Variants in ADAMTSL1 observed in about 807,000 individuals in gnomAD.
The protein encoded by ADAMTSL1 is ADAMTS-like protein 1.
A neutral mutation model predicts 201.8 loss-of-function variants in ADAMTSL1; 126 were observed. The observed-to-expected ratio is 0.62, with a 90% CI of 0.54 to 0.72. The LOEUF (loss-of-function observed/expected upper bound fraction) is 0.72. Among genes scored for constraint, ADAMTSL1 ranks in the 30% least tolerant of loss-of-function variants. The pLI is 0.00. For synonymous variants in ADAMTSL1, 1,121 were observed against 903.4 expected, an observed-to-expected ratio of 1.24 and a Z score of -4.32; for missense variants, 2,679 against 2,277.8, an observed-to-expected ratio of 1.18 and a Z score of -3.59.
chr9:18,374,104 G>T (rs550543951), intron 2 of ADAMTSL1, among the ~76,000 whole-genome samples: 5 of 152,230 alleles, frequency 3.3e-5, no homozygotes, highest in African/African-American at 1.2e-4. Flanking sequence ...CTTGTGTATG[G>T]CCTGGGCATC....
intron 1 of ADAMTSL1, among the ~76,000 whole-genome samples, chr9:18,022,253 A>G (rs1820508069): frequency 1.3e-5 from 2 of 152,210 alleles, no homozygotes; most frequent in South Asian, 2.1e-4. Flanking sequence ...CCAGTACCTC[A>G]TGTTGACCTT....
chr9:18,206,783 C>T (rs10810925), intron 2 of ADAMTSL1, among the ~76,000 whole-genome samples: 50,633 of 151,946 alleles, frequency 0.33, 8,587 homozygotes, highest in Admixed American at 0.42. Flanking sequence ...AGTACTTGGC[C>T]GTGGAGTTGA....
chr9:18,340,603 A>G (rs1257300554), intron 2 of ADAMTSL1, among the ~76,000 whole-genome samples: 4 of 152,032 alleles, frequency 2.6e-5, no homozygotes. Context: ...AGTAATCTCC[A>G]TGTGTTGTGG....
At chr9:18,133,859 A>G (rs1826049839) in intron 1 of ADAMTSL1, among the ~76,000 whole-genome samples, 1 of 152,218 alleles carries the variant, frequency 6.6e-6, no homozygotes, top group African/African-American at 2.4e-5. Context: ...ATGGGCAACT[A>G]GAATTGAAAA....
intron 2 of ADAMTSL1, among the ~76,000 whole-genome samples, chr9:18,327,877 A>G (rs947878153): frequency 3.3e-5 from 5 of 152,184 alleles, no homozygotes; most frequent in African/African-American, 1.2e-4. Flanking sequence ...TATTCATTCA[A>G]CCATGATATT....
chr9:18,614,634 C>A (rs114864576), intron 4 of ADAMTSL1, among the ~76,000 whole-genome samples: 2,322 of 152,204 alleles, frequency 0.015, 60 homozygotes, highest in African/African-American at 0.053. Flanking sequence ...ACTGATCTTA[C>A]TCCCTTTCTA....
intron 23 of ADAMTSL1, among the ~76,000 whole-genome samples, chr9:18,861,873 A>G (rs1375046420): frequency 3.9e-5 from 6 of 151,962 alleles, no homozygotes; most frequent in Non-Finnish European, 8.8e-5. Flanking sequence ...TCCCTACTTC[A>G]GCTCACCACT....
At chr9:18,725,646 A>G (rs1243237965) in intron 15 of ADAMTSL1, among the ~76,000 whole-genome samples, 1 of 152,218 alleles carries the variant, frequency 6.6e-6, no homozygotes, top group Non-Finnish European at 1.5e-5. Context: ...CAAGGAATAC[A>G]TGAATATTCT....
upstream of ADAMTSL1, chr9:18,474,035 C>G (rs530798439): frequency 2.8e-4 from 145 of 525,532 alleles, no homozygotes; most frequent in Non-Finnish European, 4.3e-4. Flanking sequence ...GGCTGGCTGC[C>G]TGCTCCGAGA....
intron 1 of ADAMTSL1, among the ~76,000 whole-genome samples, chr9:18,057,893 A>C (rs1822271323): frequency 6.6e-6 from 1 of 152,198 alleles, no homozygotes; most frequent in African/African-American, 2.4e-5. Context: ...AGGTCTCCCT[A>C]TTATCCATCT....
At chr9:18,242,870 C>T (rs11795109) in intron 2 of ADAMTSL1, among the ~76,000 whole-genome samples, 5,070 of 152,124 alleles carry the variant, frequency 0.033, 129 homozygotes, top group Non-Finnish European at 0.054. Flanking sequence ...GGATTGATAT[C>T]TCATGTTCAT....
At chr9:18,335,354 G>A (rs1323617067) in intron 2 of ADAMTSL1, among the ~76,000 whole-genome samples, 1 of 151,960 alleles carries the variant, frequency 6.6e-6, no homozygotes, top group African/African-American at 2.4e-5. Flanking sequence ...TAGAGATGGG[G>A]TCTTCCTGTG....
chr9:18,784,906 C>T (rs1348509989), intron 19 of ADAMTSL1, among the ~76,000 whole-genome samples: 1 of 152,186 alleles, frequency 6.6e-6, no homozygotes, highest in African/African-American at 2.4e-5. Context: ...TGGCTCACGC[C>T]TGTAATCCCA....
intron 2 of ADAMTSL1, among the ~76,000 whole-genome samples, chr9:18,396,838 C>G (rs918899866): frequency 3.9e-5 from 6 of 152,130 alleles, no homozygotes; most frequent in Non-Finnish European, 5.9e-5. Flanking sequence ...TGCACTTCAG[C>G]CTGGGCAACA....
chr9:18,377,610 C>A (rs923904228), intron 2 of ADAMTSL1, among the ~76,000 whole-genome samples: 1 of 152,138 alleles, frequency 6.6e-6, no homozygotes, highest in African/African-American at 2.4e-5. Context: ...CACTCTGTCA[C>A]CCAGGCTAGA....
chr9:18,322,647 C>A (rs1363962587), intron 2 of ADAMTSL1, among the ~76,000 whole-genome samples: 3 of 151,782 alleles, frequency 2.0e-5, no homozygotes, highest in African/African-American at 7.3e-5. Context: ...ACAACAACAA[C>A]AACAAAATAA....
rs1315914020 is a variant in ADAMTSL1, at chr9:18,811,028, AAAAAAAAC to A, written c.3806-6077_3806-6070del. 2.1e-3 allele frequency among the ~76,000 whole-genome samples: 309 copies of A among 149,748 alleles called. 3 individuals carry two copies. Among genetic ancestry groups the A allele is most frequent in the African/African-American group, 7.1e-3 (288 of 40,768 alleles). ...AATGAGTACCAAAAAAAAAAAAAAA[AAAAAAAAC>A]AAACACCAGCTAGAAACCTTCTCTC... is the stretch of plus-strand genomic sequence containing the variant. On this transcript the variant is annotated intron_variant, in intron 20 of 28. Transcript: ENST00000380548.
At chr9:18,878,349 T>C (rs1828305421) in intron 23 of ADAMTSL1, among the ~76,000 whole-genome samples, 1 of 152,258 alleles carries the variant, frequency 6.6e-6, no homozygotes, top group African/African-American at 2.4e-5. Context: ...AAAGTTCATT[T>C]GGAAATTTCC....
At chr9:18,292,591 G>C (rs1271317551) in intron 2 of ADAMTSL1, among the ~76,000 whole-genome samples, 1 of 152,134 alleles carries the variant, frequency 6.6e-6, no homozygotes. Context: ...AGTGTGGCTA[G>C]AATAAAGCAA....
Sources: allele counts gnomAD v4.1 joint callset (sites outside exome capture counted in the v4.1 genomes callset), GRCh38; gene constraint gnomAD v4.1.1; transcripts MANE v1.5; gene names NCBI Gene and HGNC (gene_info 2026-07-23, HGNC 2026-07-21).